Variants in PRPF19 observed in about 807,000 individuals in gnomAD.
The protein encoded by PRPF19 is pre-mRNA processing factor 19.
Under a neutral mutation model 64.2 loss-of-function variants are expected in PRPF19, and 2 were observed. The observed-to-expected ratio is 0.03, with a 90% confidence interval of 0.01 to 0.10. The LOEUF is 0.10. Ranked by LOEUF, PRPF19 falls within the 10% of genes least tolerant of loss-of-function variation. The pLI, the probability that PRPF19 is intolerant of heterozygous loss-of-function variation, is 1.00. For synonymous variants in PRPF19, 226 were observed against 251.6 expected (o/e 0.90, Z 0.96); for missense variants, 314 against 650.0 (o/e 0.48, Z 5.62).
chr11:60,900,861 G>C lies in PRPF19; in HGVS notation c.711C>G (p.Ile237Met). ...CTAGGCCCAGACTCTCACCAGTGAG[G>C]ATCTTGTTGGTGTCGGACGGGCAGA... ...LDLCPSDTNK[I>M]LTGGADKNVV... is the part of the protein sequence containing the mutation. Residue 237 changes from isoleucine (I) to methionine (M), a missense_variant, in exon 9 of 16, where the codon ATC becomes ATG. This residue lies in a region of PRPF19 where 175 missense variants were observed against 342.9 expected (regional missense o/e 0.51). Coordinates refer to ENST00000227524, the MANE Select transcript of PRPF19 (RefSeq NM_014502.5). The C allele has an allele frequency of 6.2e-7, 1 of 1,614,198 alleles. No homozygotes were observed. Among genetic ancestry groups the C allele is most frequent in the Non-Finnish European group, 8.5e-7 (1 of 1,180,040 alleles).
At position 60,906,407 on chromosome 11, in the gene PRPF19, G is replaced by T; in HGVS notation, c.-25C>A. ...TGGCGCCGTCACCGTGCTCCGAGGC[G>T]CCACACGCCGGGCTCCGGGACTAGC... On this transcript the variant is annotated 5_prime_UTR_variant, in exon 1 of 16. Transcript: ENST00000227524. 6.4e-7 allele frequency: 1 copy of T among 1,560,450 alleles called. No individual in the cohort carries two copies. The highest frequency in any genetic ancestry group is 1.4e-5 in the African/African-American group (1 of 73,814).
intron 10 of PRPF19, among the ~76,000 whole-genome samples, chr11:60,899,726 G>T (rs1855960889): frequency 6.6e-6 from 1 of 152,234 alleles, no homozygotes; most frequent in Non-Finnish European, 1.5e-5. Context: ...GGAAGGGGCT[G>T]CATGGCTGTA....
Position 60,898,801 on chromosome 11 carries a change from A to C in PRPF19, c.1054+61T>G, listed in dbSNP as rs977307828. On this transcript the variant is annotated intron_variant, in intron 12 of 15. Transcript: ENST00000227524. The surrounding 1 kb of genome is among the most constrained non-coding windows in gnomAD (Gnocchi z 4.6). The stretch of plus-strand genomic sequence containing the variant: ...GAACAAATAAACAAATGACTAAATA[A>C]AATGTAAAAATAAATAATAAACAGC... 9.3e-6 allele frequency: 14 copies of C among 1,499,210 alleles called. No homozygotes were observed. In the African/African-American group the frequency reaches 1.6e-4, roughly 17 times the overall value. The allele number at this position is 1,499,210 out of a possible 1,614,324, so 92.9% of individuals were successfully genotyped here.
At chr11:60,900,987 C>T in intron 8 of PRPF19, 58 bp from the exon 9 acceptor site, 2 of 1,576,850 alleles carry the variant, frequency 1.3e-6, no homozygotes, top group Non-Finnish European at 1.7e-6. Flanking sequence ...GCCACAAAGC[C>T]ACAGACCTCC....
rs972843421 is a variant in PRPF19, at chr11:60,901,486, A to G, written c.567+13T>C. On this transcript the variant is annotated intron_variant, in intron 7 of 15. Coordinates refer to ENST00000227524, the MANE Select transcript of PRPF19 (RefSeq NM_014502.5). The stretch of plus-strand genomic sequence containing the variant: ...GGCCAGCTCTTTCTCCAGGCTTCAG[A>G]AAGAGAACTCACCTTCTTGCGCTCC... 2 of 1,614,096 alleles carry G rather than the reference A, an allele frequency of 1.2e-6. No homozygotes were observed. Among genetic ancestry groups the G allele is most frequent in the African/African-American group, 2.7e-5 (2 of 74,932 alleles).
At chr11:60,892,075 A>G (rs1227296584) in intron 15 of PRPF19, among the ~76,000 whole-genome samples, 3 of 152,210 alleles carry the variant, frequency 2.0e-5, no homozygotes, top group Non-Finnish European at 4.4e-5. Context: ...GCATATTAGC[A>G]TGCCATCTCC....
In PRPF19 at chr11:60,895,252, G is replaced by A. The variant is rs547933810; in HGVS notation, c.1417+2594C>T. On this transcript the variant is annotated intron_variant, in intron 15 of 15. Transcript: ENST00000227524. ...AAATCTGTTGTTGAGTGTACCCACC[G>A]TCAATGATCTTAGCTAGGTCTTCCG... 5.9e-5 allele frequency among the ~76,000 whole-genome samples: 9 copies of A among 152,342 alleles called. No individual in the cohort carries two copies. In the South Asian group the frequency reaches 8.3e-4, roughly 14 times the overall value.
At position 60,901,655 on chromosome 11, in the gene PRPF19, C is replaced by T; in HGVS notation, c.526-115G>A. ...GCACCAAGAACTTGCTATCTGCCAA[C>T]TTCTACGTTACAGGCTTAAAGGCAT... is the stretch of plus-strand genomic sequence containing the variant. On this transcript the variant is annotated intron_variant, in intron 6 of 15. Coordinates refer to ENST00000227524, the MANE Select transcript of PRPF19 (RefSeq NM_014502.5). 2.5e-6 allele frequency: 3 copies of T among 1,209,260 alleles called. No individual in the cohort carries two copies. The East Asian group carries it at 7.0e-5, about 28-fold the overall frequency. 74.9% of individuals were successfully genotyped at this position (1,209,260 alleles called of 1,614,324 possible).
intron 1 of PRPF19, among the ~76,000 whole-genome samples, chr11:60,906,131 G>A (rs528280719): frequency 2.0e-5 from 3 of 152,348 alleles, no homozygotes; most frequent in South Asian, 4.1e-4. Flanking sequence ...TGAGGCGACC[G>A]GCCTCAGTAA....
chr11:60,904,149 T>C (rs969802146), intron 1 of PRPF19, among the ~76,000 whole-genome samples: 4 of 152,176 alleles, frequency 2.6e-5, no homozygotes, highest in Admixed American at 2.0e-4. Flanking sequence ...ACCTAGAGAA[T>C]AGCAGTCCAT....
intron 15 of PRPF19, among the ~76,000 whole-genome samples, chr11:60,895,833 G>A (rs926487121): frequency 6.6e-6 from 1 of 152,004 alleles, no homozygotes; most frequent in African/African-American, 2.4e-5. Flanking sequence ...AGTCTGAGAG[G>A]GAGAGAGATG....
Position 60,891,163 on chromosome 11 carries a change from G to C in PRPF19, c.*3C>G. ...GCCCAGCTTCCATCAGAAGGGCCAG[G>C]GCCTACAGGCTGTAGAACTTGAGGC... On this transcript the variant is annotated 3_prime_UTR_variant, in exon 16 of 16. Coordinates refer to ENST00000227524, the MANE Select transcript of PRPF19 (RefSeq NM_014502.5). 1 of 1,598,664 alleles carries C rather than the reference G, an allele frequency of 6.3e-7. No individual in the cohort carries two copies. Among genetic ancestry groups the C allele is most frequent in the Non-Finnish European group, 8.5e-7 (1 of 1,171,618 alleles).
In PRPF19 at chr11:60,898,042, T is replaced by C. The variant is rs200167561; in HGVS notation, c.1311+59A>G. On this transcript the variant is annotated intron_variant, in intron 14 of 15. Coordinates refer to ENST00000227524, the MANE Select transcript of PRPF19 (RefSeq NM_014502.5). This position sits in a 1 kb window ranked among gnomAD's most constrained non-coding sequence, Gnocchi z 4.6. ...AGCAGAAGCAATTAGATTAATTCAATAAATAATTGACAAACAAGGAGACAC... is the reference window on the plus strand; with the variant it reads ...AGCAGAAGCAATTAGATTAATTCAACAAATAATTGACAAACAAGGAGACAC... 2 of 1,606,934 alleles carry C rather than the reference T, an allele frequency of 1.2e-6. No individual in the cohort carries two copies. The highest frequency in any genetic ancestry group is 2.2e-5 in the South Asian group (2 of 90,600).
In PRPF19 at chr11:60,903,501, G is replaced by A; in HGVS notation, c.204C>T (p.Ala68=). Residue 68 remains alanine (A), a synonymous_variant, in exon 3 of 16, where the codon GCC becomes GCT. Transcript: ENST00000227524. ...CTTTCAGAATGGCCGGGATGCTGGT[G>A]GCTGAGGGAGGCTTGGGCCGGATTG... ...AHPIRPKPPS[A]TSIPAILKAL... is the part of the protein sequence containing the mutation. 3 of 1,614,114 alleles carry A rather than the reference G, an allele frequency of 1.9e-6. No homozygotes were observed. The highest frequency in any genetic ancestry group is 2.5e-6 in the Non-Finnish European group (3 of 1,180,020).
chr11:60,896,874 G>C (rs1159262828), intron 15 of PRPF19, among the ~76,000 whole-genome samples: 2 of 152,094 alleles, frequency 1.3e-5, no homozygotes, highest in Admixed American at 6.5e-5. Context: ...AGGATGTAAA[G>C]AGAGACAATA....
rs760498240 is a variant in PRPF19, at chr11:60,897,900, T to C, written c.1363A>G (p.Thr455Ala). Reference sequence around the variant, plus strand: ...TTGCAGATGTAGATCTGGACATCCGTGCCCCCAAGAGCCAGGTAGGTACCA... The same window carrying C: ...TTGCAGATGTAGATCTGGACATCCGCGCCCCCAAGAGCCAGGTAGGTACCA... ...QSGTYLALGGTDVQIYICKQW... is the reference protein window; with the variant it reads ...QSGTYLALGGADVQIYICKQW... The change falls in exon 15 of 16, where the codon ACG becomes GCG. Residue 455 changes from threonine (T) to alanine (A), a missense_variant. Thr to Ala is a moderately conservative substitution (Grantham distance 58). Transcript: ENST00000227524. The C allele has an allele frequency of 5.6e-6, 9 of 1,614,000 alleles. No individual in the cohort carries two copies. The highest frequency in any genetic ancestry group is 4.2e-6 in the Non-Finnish European group (5 of 1,179,984).
chr11:60,906,397 G>T lies in PRPF19; in HGVS notation c.-15C>A, dbSNP rs1323386756. The stretch of plus-strand genomic sequence containing the variant: ...ATTAGGGACATGGCGCCGTCACCGT[G>T]CTCCGAGGCGCCACACGCCGGGCTC... On this transcript the variant is annotated 5_prime_UTR_variant, in exon 1 of 16. Coordinates refer to ENST00000227524, the MANE Select transcript of PRPF19 (RefSeq NM_014502.5). 3.2e-6 allele frequency: 5 copies of T among 1,572,418 alleles called. No individual in the cohort carries two copies. In the African/African-American group the frequency reaches 6.7e-5, roughly 21 times the overall value.
chr11:60,905,906 A>C (rs1856040396), intron 1 of PRPF19, among the ~76,000 whole-genome samples: 1 of 152,242 alleles, frequency 6.6e-6, no homozygotes, highest in African/African-American at 2.4e-5. Flanking sequence ...TGCAAATTGC[A>C]AAAGCTCCGA....
At position 60,898,561 on chromosome 11, in the gene PRPF19, T is replaced by C; in HGVS notation, c.1120A>G (p.Ile374Val). ...CCTACCTTCAAGTCCCAGATCTTGA[T>C]CTGAGAGTCCATGGTTCCTGTTCCA... ...IFGTGTMDSQIKIWDLKERTN... is the reference protein window; with the variant it reads ...IFGTGTMDSQVKIWDLKERTN... Residue 374 changes from isoleucine to valine, a missense_variant, in exon 13 of 16, where the codon ATC becomes GTC. Physicochemically the swap from Ile to Val is conservative, Grantham distance 29. Transcript: ENST00000227524. The surrounding 1 kb of genome is among the most constrained non-coding windows in gnomAD (Gnocchi z 4.6). 6.2e-7 allele frequency: 1 copy of C among 1,614,098 alleles called. No homozygotes were observed. The highest frequency in any genetic ancestry group is 8.5e-7 in the Non-Finnish European group (1 of 1,180,012).
Sources: gnomAD v4.1 joint callset for allele counts (sites outside exome capture counted in the v4.1 genomes callset) on GRCh38, gnomAD v4.1.1 for gene constraint, gnomAD v4.1.1 regional missense constraint, Gnocchi (gnomAD v3.1) non-coding constraint, MANE v1.5 for transcripts, NCBI Gene and HGNC (gene_info 2026-07-23, HGNC 2026-07-21) for gene names.